The following TAFA1 variants were observed in gnomAD, a reference collection of about 807,000 sequenced individuals.
TAFA1 encodes chemokine-like protein TAFA-1.
TAFA1 carries 4 observed loss-of-function variants against 18.5 expected under a neutral mutation model. That is an observed-to-expected ratio of 0.22 (90% confidence interval 0.11 to 0.49). The LOEUF is 0.49. Ranked by LOEUF, TAFA1 falls within the 20% of genes least tolerant of loss-of-function variation. The pLI is 0.98. For missense variants in TAFA1, 147 were observed against 169.0 expected, an observed-to-expected ratio of 0.87 and a Z score of 0.72; for synonymous variants, 56 against 55.2, an observed-to-expected ratio of 1.01 and a Z score of -0.06.
chr3:68,524,755 C>G (rs868365626), intron 3 of TAFA1, among the ~76,000 whole-genome samples: 34 of 152,174 alleles, frequency 2.2e-4, no homozygotes, highest in Middle Eastern at 6.8e-3. Context: ...ACTGCAAGCT[C>G]TGCCTCCCGG....
chr3:68,185,313 G>C (rs1288421334), intron 2 of TAFA1, among the ~76,000 whole-genome samples: 2 of 152,100 alleles, frequency 1.3e-5, no homozygotes, highest in African/African-American at 4.8e-5. Flanking sequence ...CAATAAAGAA[G>C]AATGGACTTG....
chr3:68,479,613 A>G (rs2072188454), intron 3 of TAFA1, among the ~76,000 whole-genome samples: 1 of 152,196 alleles, frequency 6.6e-6, no homozygotes, highest in Admixed American at 6.5e-5. Context: ...ATATTTATAT[A>G]ACATGAGACT....
In TAFA1 at chr3:68,282,509, C is replaced by G. The variant is rs570481742; in HGVS notation, c.119-134771C>G. On this transcript the variant is annotated intron_variant, in intron 2 of 4. Transcript: ENST00000478136. ...AAAATTAAGAGCTTTCAAGGTTCCC[C>G]AGGCAATGTCATTTTAACTACCTTG... Among the ~76,000 whole-genome samples the G allele has an allele frequency of 6.6e-5, 10 of 152,232 alleles. No homozygotes were observed. In the East Asian group the frequency reaches 1.7e-3, roughly 27 times the overall value.
intron 3 of TAFA1, among the ~76,000 whole-genome samples, chr3:68,507,956 A>G (rs965650019): frequency 1.3e-5 from 2 of 152,174 alleles, no homozygotes; most frequent in Admixed American, 6.6e-5. Context: ...AAACACGTGT[A>G]TTTGCCAGCC....
chr3:68,353,704 T>C (rs2069312438), intron 2 of TAFA1, among the ~76,000 whole-genome samples: 2 of 151,920 alleles, frequency 1.3e-5, no homozygotes, highest in Admixed American at 6.6e-5. Context: ...GCAAGGTCAG[T>C]AGGGAAGGAA....
chr3:68,376,919 G>C (rs1359468634), intron 2 of TAFA1, among the ~76,000 whole-genome samples: 1 of 152,024 alleles, frequency 6.6e-6, no homozygotes, highest in Non-Finnish European at 1.5e-5. Flanking sequence ...GAGGTCTGAT[G>C]GTTCTATAAG....
At chr3:68,065,740 GTATATATATATA>G (rs60396289) in intron 2 of TAFA1, among the ~76,000 whole-genome samples, 1 of 133,420 alleles carries the variant, frequency 7.5e-6, no homozygotes, top group Non-Finnish European at 1.6e-5. Context: ...GTGTGTGTGT[GTATATATATATA>G]TATATATATA....
chr3:68,205,604 A>T (rs188644683), intron 2 of TAFA1, among the ~76,000 whole-genome samples: 1 of 151,898 alleles, frequency 6.6e-6, no homozygotes, highest in Non-Finnish European at 1.5e-5. Context: ...TCAACTCCTG[A>T]AGACTAGAAA....
chr3:68,042,308 A>G (rs1380680960), intron 2 of TAFA1, among the ~76,000 whole-genome samples: 2 of 152,258 alleles, frequency 1.3e-5, no homozygotes, highest in Non-Finnish European at 2.9e-5. Context: ...ATCCTTGTGC[A>G]TTATATCTAG....
chr3:68,515,639 T>A (rs971667059), intron 3 of TAFA1, among the ~76,000 whole-genome samples: 2 of 152,278 alleles, frequency 1.3e-5, no homozygotes, highest in African/African-American at 2.4e-5. Context: ...TAACAAGCAT[T>A]ATGAAATCAA....
chr3:68,543,602 T>G (rs1168612801), intron 4 of TAFA1, among the ~76,000 whole-genome samples: 3 of 152,120 alleles, frequency 2.0e-5, no homozygotes, highest in African/African-American at 7.2e-5. Flanking sequence ...TCTAAAATCC[T>G]TAAATGGACT....
At chr3:68,039,373 C>A (rs1479314606) in intron 2 of TAFA1, among the ~76,000 whole-genome samples, 1 of 152,036 alleles carries the variant, frequency 6.6e-6, no homozygotes, top group Non-Finnish European at 1.5e-5. Context: ...GGATAAGGGA[C>A]AAGTACTCTT....
intron 2 of TAFA1, among the ~76,000 whole-genome samples, chr3:68,413,704 T>C (rs1285439375): frequency 6.6e-6 from 1 of 152,062 alleles, no homozygotes; most frequent in Non-Finnish European, 1.5e-5. Context: ...AATAATGTCA[T>C]CAGAAAATTA....
chr3:68,019,704 G>T (rs993485342), intron 2 of TAFA1, among the ~76,000 whole-genome samples: 7 of 152,066 alleles, frequency 4.6e-5, no homozygotes, highest in African/African-American at 1.7e-4. Flanking sequence ...ATGTTAGGTA[G>T]AAATTGCCTA....
intron 2 of TAFA1, among the ~76,000 whole-genome samples, chr3:68,178,153 A>C (rs201305261): frequency 0.015 from 1,462 of 96,592 alleles, 16 homozygotes; most frequent in African/African-American, 0.031. Flanking sequence ...CCCCCTCCCC[A>C]AAAAAAAATA....
intron 2 of TAFA1, among the ~76,000 whole-genome samples, chr3:68,060,500 G>A (rs1164131389): frequency 6.6e-6 from 1 of 152,230 alleles, no homozygotes. Context: ...AACTAGGCCG[G>A]TAGAATTTCA....
intron 2 of TAFA1, among the ~76,000 whole-genome samples, chr3:68,190,939 C>A (rs2066330944): frequency 6.6e-6 from 1 of 151,714 alleles, no homozygotes; most frequent in South Asian, 2.1e-4. Flanking sequence ...CCTCTCACCC[C>A]ACATTGATTT....
intron 3 of TAFA1, among the ~76,000 whole-genome samples, chr3:68,479,034 C>A (rs2072164533): frequency 6.7e-6 from 1 of 150,186 alleles, no homozygotes; most frequent in African/African-American, 2.4e-5. Flanking sequence ...AGATCGAGAC[C>A]ATCCTGGCCA....
intron 2 of TAFA1, among the ~76,000 whole-genome samples, chr3:68,077,438 T>G (rs1330756566): frequency 7.3e-6 from 1 of 137,648 alleles, no homozygotes; most frequent in Non-Finnish European, 1.6e-5. Context: ...TTTTATGGTT[T>G]TAGGTCTAAC....
Sources: gnomAD v4.1 joint callset for allele counts (sites outside exome capture counted in the v4.1 genomes callset) on GRCh38, gnomAD v4.1.1 for gene constraint, MANE v1.5 for transcripts, NCBI Gene and HGNC (gene_info 2026-07-23, HGNC 2026-07-21) for gene names.